Variants in ERCC6 observed in about 807,000 individuals in gnomAD.
ERCC6 encodes DNA excision repair protein ERCC-6.
ERCC6 carries 116 observed loss-of-function variants against 158.7 expected under a neutral mutation model. The observed-to-expected ratio is 0.73, with a 90% CI of 0.63 to 0.85. The LOEUF is 0.85. Among genes scored for constraint, ERCC6 ranks in the 40% least tolerant of loss-of-function variants. The probability of loss-of-function intolerance (pLI) is 0.00; values close to 1 mark genes in which losing one functional copy is unlikely to be tolerated. For missense variants in ERCC6, 1,698 were observed against 1,799.4 expected (o/e 0.94, Z 1.02); for synonymous variants, 678 against 659.3 (o/e 1.03, Z -0.43).
At chr10:49,503,845 G>A (rs1275483619) in intron 6 of ERCC6, 1 of 152,154 alleles carries the variant, frequency 6.6e-6, no homozygotes, top group Non-Finnish European at 1.5e-5. Flanking sequence ...CCTTGAGACT[G>A]AGGCATCACA....
intron 12 of ERCC6, chr10:49,475,212 C>T (rs4253190): frequency 0.34 from 102,847 of 299,936 alleles, 20,344 homozygotes; most frequent in Non-Finnish European, 0.43. Flanking sequence ...TACCCAATTT[C>T]GAAGACAGAA....
At position 49,482,859 on chromosome 10, in the gene ERCC6, C is replaced by A. The variant is rs769904341; in HGVS notation, c.1997G>T (p.Arg666Leu). The A allele has an allele frequency of 2.5e-6, 4 of 1,613,686 alleles. No homozygotes were observed. Among genetic ancestry groups the A allele is most frequent in the South Asian group, 2.2e-5 (2 of 91,044 alleles). The part of the protein sequence containing the change: ...AAVTLACKQF[R>L]TPHRIILSGS... Reference sequence around the variant, plus strand: ...AGACAGAATGATCCGATGAGGGGTGCGAAACTATTTGAGGAAAGGAAGCAC... The same window carrying A: ...AGACAGAATGATCCGATGAGGGGTGAGAAACTATTTGAGGAAAGGAAGCAC... The change falls in exon 10 of 21, where the codon CGC becomes CTC. Residue 666 changes from arginine to leucine, a missense_variant. Transcript: ENST00000355832.
chr10:49,461,518 C>A lies in ERCC6; in HGVS notation c.3817G>T (p.Asp1273Tyr). Residue 1273 changes from aspartate (D) to tyrosine (Y), a missense_variant, in exon 19 of 21, where the codon GAT becomes TAT. Asp to Tyr is a radical substitution (Grantham distance 160). Coordinates refer to ENST00000355832, the MANE Select transcript of ERCC6 (RefSeq NM_000124.4). The stretch of plus-strand genomic sequence containing the variant: ...AGTACATAATCTGGGCTGGCTCCAT[C>A]CATGATGGCATCGTGCTTCATGACA... ...HSVMKHDAIM[D>Y]GASPDYVLVE... 6.2e-7 allele frequency: 1 copy of A among 1,614,064 alleles called. No homozygotes were observed. The highest frequency in any genetic ancestry group is 8.5e-7 in the Non-Finnish European group (1 of 1,179,980).
rs1850504047 is a variant in ERCC6, at chr10:49,457,573, T to G, written c.*1242A>C. On this transcript the variant is annotated 3_prime_UTR_variant, in exon 21 of 21. Coordinates refer to ENST00000355832, the MANE Select transcript of ERCC6 (RefSeq NM_000124.4). ...CTATCCATGTTAAGCATGAGAGAGA[T>G]GTAAAGAAATAGCAGGGTAGGAGGG... The G allele has an allele frequency of 6.6e-6, 1 of 151,944 alleles. No individual in the cohort carries two copies. Among genetic ancestry groups the G allele is most frequent in the African/African-American group, 2.4e-5 (1 of 41,328 alleles). The allele number at this position is 151,944 out of a possible 1,614,324, so 9.4% of individuals were successfully genotyped here.
At chr10:49,505,858 G>A (rs1851433500) in intron 6 of ERCC6, 26 bp downstream of exon 6, 2 of 1,612,146 alleles carry the variant, frequency 1.2e-6, no homozygotes, top group South Asian at 1.1e-5. Flanking sequence ...ATAGCAAATA[G>A]AAAGGAAAGA....
intron 5 of ERCC6, chr10:49,516,790 T>C: frequency 6.2e-7 from 1 of 1,614,176 alleles, no homozygotes; most frequent in Non-Finnish European, 8.5e-7. Flanking sequence ...CAAAGAATTT[T>C]TGTCATTTTC....
intron 4 of ERCC6, among the ~76,000 whole-genome samples, chr10:49,527,823 GC>G (rs1263708711): frequency 6.6e-6 from 1 of 152,080 alleles, no homozygotes; most frequent in African/African-American, 2.4e-5. Context: ...AATAGTCAAT[GC>G]CTATGCAGCC....
At chr10:49,516,967 T>C in intron 5 of ERCC6, 1 of 1,614,086 alleles carries the variant, frequency 6.2e-7, no homozygotes, top group African/African-American at 1.3e-5. Context: ...AGATTATTTA[T>C]TGTTCCACCT....
chr10:49,514,269 C>T (rs550754510), intron 5 of ERCC6, among the ~76,000 whole-genome samples: 93 of 152,238 alleles, frequency 6.1e-4, no homozygotes, highest in Middle Eastern at 6.8e-3. Context: ...GCAAACTTTT[C>T]CAAGTAACAG....
At chr10:49,526,139 ATATATATATATATATATATATATC>A (rs1837332126) in intron 4 of ERCC6, among the ~76,000 whole-genome samples, 1 of 22,088 alleles carries the variant, frequency 4.5e-5, no homozygotes, top group Non-Finnish European at 1.4e-4. Context: ...ATATATATAT[ATATATATATATATATATATATATC>A]TGGGTATGCT....
chr10:49,515,215 A>T, intron 5 of ERCC6: 1 of 1,326,100 alleles, frequency 7.5e-7, no homozygotes, highest in Non-Finnish European at 9.6e-7. Flanking sequence ...AGAAAAAAAA[A>T]TTTATTATGT....
intron 8 of ERCC6, among the ~76,000 whole-genome samples, chr10:49,491,287 G>T (rs1179747606): frequency 6.6e-6 from 1 of 152,108 alleles, no homozygotes; most frequent in Non-Finnish European, 1.5e-5. Flanking sequence ...ACATATTTTT[G>T]ATCTTTTGCC....
At chr10:49,436,023 A>G in the ERCC6 span, among the ~76,000 whole-genome samples, 25 of 151,994 alleles carry the variant, frequency 1.6e-4, 1 homozygote, top group Admixed American at 1.5e-3. Flanking sequence ...AAAGAAAAAA[A>G]AAAAAAGCAA....
chr10:49,483,935 C>T (rs1018674816), intron 8 of ERCC6, among the ~76,000 whole-genome samples: 9 of 151,634 alleles, frequency 5.9e-5, no homozygotes, highest in African/African-American at 1.9e-4. Flanking sequence ...CAATGTATAA[C>T]AAGAATTCCA....
chr10:49,477,696 T>TGA (rs1850903435), intron 11 of ERCC6, among the ~76,000 whole-genome samples: 1 of 152,180 alleles, frequency 6.6e-6, no homozygotes, highest in Non-Finnish European at 1.5e-5. Context: ...CTCCCAGCCC[T>TGA]GACCACACTG....
At chr10:49,508,824 C>T (rs958308205) in intron 5 of ERCC6, among the ~76,000 whole-genome samples, 2 of 152,078 alleles carry the variant, frequency 1.3e-5, no homozygotes, top group Non-Finnish European at 1.5e-5. Flanking sequence ...CACCACAACA[C>T]ACTAGGGAAA....
chr10:49,438,151 G>GATGGCC, the ERCC6 span, among the ~76,000 whole-genome samples: 2 of 152,178 alleles, frequency 1.3e-5, no homozygotes, highest in African/African-American at 4.8e-5. Flanking sequence ...CAGGGACAGC[G>GATGGCC]ATGGCCAGGA....
intron 2 of ERCC6, among the ~76,000 whole-genome samples, chr10:49,531,358 CA>C (rs1837465727): frequency 6.6e-6 from 1 of 151,806 alleles, no homozygotes; most frequent in South Asian, 2.1e-4. Context: ...GAAAACAAAT[CA>C]ATTTAAAATA....
At chr10:49,532,076 G>A (rs1273791819) in intron 2 of ERCC6, among the ~76,000 whole-genome samples, 4 of 152,154 alleles carry the variant, frequency 2.6e-5, no homozygotes, top group Non-Finnish European at 4.4e-5. Flanking sequence ...AAAGAAAACC[G>A]GGGAGTCTTT....
Sources: gnomAD v4.1 joint callset for allele counts (sites outside exome capture counted in the v4.1 genomes callset) on GRCh38, gnomAD v4.1.1 for gene constraint, MANE v1.5 for transcripts, NCBI Gene and HGNC (gene_info 2026-07-23, HGNC 2026-07-21) for gene names.